Variants in MED14 observed in about 807,000 individuals in gnomAD.
MED14 encodes the protein mediator complex subunit 14.
In MED14, 8 loss-of-function variants were observed where a neutral mutation model predicts 109.0. The ratio of observed to expected loss-of-function variants is 0.07; its 90% CI spans 0.04 to 0.13. The LOEUF is 0.13. MED14 is among the 10% of genes least tolerant of loss of function. The pLI, the probability that MED14 is intolerant of heterozygous loss-of-function variation, is 1.00. For missense variants in MED14, 711 were observed against 1,142.4 expected, an observed-to-expected ratio of 0.62 and a Z score of 5.44; for synonymous variants, 399 against 408.7, an observed-to-expected ratio of 0.98 and a Z score of 0.29.
chrX:40,696,066 C>T lies in MED14; in HGVS notation c.1650+958G>A, dbSNP rs755417785. On this transcript the variant is annotated intron_variant, in intron 13 of 30. Coordinates refer to ENST00000324817, the MANE Select transcript of MED14 (RefSeq NM_004229.4). ...AGTTTTACAGGCATGAGCCATCACA[C>T]CTGGCCTGAATTAAAATTTGTAAAA... 2.5e-4 allele frequency among the ~76,000 whole-genome samples: 28 copies of T among 110,953 alleles called. No homozygotes were observed. In the South Asian group the frequency reaches 0.011, roughly 42 times the overall value.
At position 40,649,579 on chromosome X, in the gene MED14, T is replaced by C. The variant is rs1340057169; in HGVS notation, c.*2227A>G. Reference sequence around the variant, plus strand: ...TTTGTATAAATTTTATTTATTACTGTAAATACTAAAATCACATTGAAAACA... The same window carrying C: ...TTTGTATAAATTTTATTTATTACTGCAAATACTAAAATCACATTGAAAACA... On this transcript the variant is annotated 3_prime_UTR_variant, in exon 31 of 31. Coordinates refer to ENST00000324817, the MANE Select transcript of MED14 (RefSeq NM_004229.4). 59 of 915,206 alleles carry C rather than the reference T, an allele frequency of 6.4e-5. 1 individual carries two copies. The highest frequency in any genetic ancestry group is 6.9e-6 in the Non-Finnish European group (5 of 721,504). 75.4% of individuals were successfully genotyped at this position (915,206 alleles called of 1,213,427 possible).
intron 13 of MED14, among the ~76,000 whole-genome samples, chrX:40,695,578 A>G (rs1230545016): frequency 8.9e-6 from 1 of 112,190 alleles, no homozygotes; most frequent in Non-Finnish European, 1.9e-5. Flanking sequence ...ATAAATTATA[A>G]CCATTTTTGT....
At position 40,648,357 on chromosome X, in the gene MED14, T is replaced by C. The variant is rs1054938426; in HGVS notation, c.*3449A>G. 9.0e-6 allele frequency: 1 copy of C among 111,715 alleles called. No homozygotes were observed. The highest frequency in any genetic ancestry group is 1.9e-5 in the Non-Finnish European group (1 of 53,160). The allele number at this position is 111,715 out of a possible 1,213,427, so 9.2% of individuals were successfully genotyped here. On this transcript the variant is annotated 3_prime_UTR_variant, in exon 31 of 31. Transcript: ENST00000324817. ...TCTGAGCTTGGAAAACATGTCAAAATTGTGTGTAGTTAAAAGCCTCTGAGG... is the reference window on the plus strand; with the variant it reads ...TCTGAGCTTGGAAAACATGTCAAAACTGTGTGTAGTTAAAAGCCTCTGAGG...
In MED14 at chrX:40,675,321, C is replaced by T. The variant is rs373976346; in HGVS notation, c.2921G>A (p.Arg974Gln). ...ATCGTCCTCATTTACAGACCTTCTT[C>T]GAGCATCCTGATTGCTGTCAACAAA... ...NMFVDSNQDA[R>Q]RRSVNEDDNP... is the part of the protein sequence containing the mutation. The change falls in exon 22 of 31, where the codon CGA becomes CAA. Residue 974 changes from arginine to glutamine, a missense_variant. Arg to Gln is a conservative substitution (Grantham distance 43). Transcript: ENST00000324817. 1.3e-5 allele frequency: 16 copies of T among 1,193,514 alleles called. No homozygotes were observed. The highest frequency in any genetic ancestry group is 1.8e-5 in the Non-Finnish European group (16 of 887,849).
At chrX:40,701,608 C>T (rs1040001824) in intron 11 of MED14, among the ~76,000 whole-genome samples, 1 of 111,112 alleles carries the variant, frequency 9.0e-6, no homozygotes, top group African/African-American at 3.3e-5. Flanking sequence ...TATTATTAGA[C>T]TTAGAACCTT....
intron 13 of MED14, among the ~76,000 whole-genome samples, chrX:40,693,294 G>A (rs186560360): frequency 3.8e-3 from 429 of 111,850 alleles, no homozygotes; most frequent in Non-Finnish European, 6.7e-3. Context: ...TGTAGCTCCC[G>A]TAATTCCCAT....
chrX:40,687,366 C>A (rs1379975930), intron 16 of MED14, among the ~76,000 whole-genome samples: 1 of 111,952 alleles, frequency 8.9e-6, no homozygotes, highest in Admixed American at 9.5e-5. Context: ...TGAACCACTT[C>A]AACAAGTGGT....
rs6610448 is a variant in MED14 at position 40,651,363 on chromosome X, C to T, written c.*443G>A. 1.3e-6 allele frequency: 1 copy of T among 749,701 alleles called. No homozygotes were observed. The allele number at this position is 749,701 out of a possible 1,213,427, so 61.8% of individuals were successfully genotyped here. A position where few individuals can be genotyped will look rare whatever the true frequency, so the allele number is the denominator to read the frequency against. On this transcript the variant is annotated 3_prime_UTR_variant, in exon 31 of 31. Coordinates refer to ENST00000324817, the MANE Select transcript of MED14 (RefSeq NM_004229.4). Reference sequence around the variant, plus strand: ...GAACATTTCATGTAAGGATTCAAAGCGGTCATATTAAAATACAGCTTCAAT... The same window carrying T: ...GAACATTTCATGTAAGGATTCAAAGTGGTCATATTAAAATACAGCTTCAAT...
At chrX:40,663,235 T>A in intron 25 of MED14, 75 bp from the exon 26 acceptor site, 2 of 788,310 alleles carry the variant, frequency 2.5e-6, no homozygotes, top group Non-Finnish European at 3.7e-6. Context: ...GCTTTCATCA[T>A]AAATCTTTGA....
chrX:40,717,352 C>T (rs1021043957), intron 3 of MED14, among the ~76,000 whole-genome samples: 11 of 110,499 alleles, frequency 1.0e-4, no homozygotes, highest in Admixed American at 1.9e-4. Flanking sequence ...TCCAAAACAC[C>T]CATTATGAGA....
At chrX:40,655,131 T>G in intron 28 of MED14, 71 bp from the exon 29 acceptor site, 1 of 1,071,078 alleles carries the variant, frequency 9.3e-7, no homozygotes, top group Non-Finnish European at 1.3e-6. Context: ...TAGGAAAGTC[T>G]GAGAGGTTAG....
intron 10 of MED14, among the ~76,000 whole-genome samples, chrX:40,706,372 C>T (rs1439406865): frequency 9.0e-6 from 1 of 111,503 alleles, no homozygotes; most frequent in Non-Finnish European, 1.9e-5. Flanking sequence ...AGATCAACCC[C>T]GCATGCAAGC....
chrX:40,680,888 A>T lies in MED14; in HGVS notation c.2480T>A (p.Ile827Asn). ...CAAAGAAATGTGGAATTTTTGATGGATCGAATTCCATTGGATACTAATCTA... is the reference window on the plus strand; with the variant it reads ...CAAAGAAATGTGGAATTTTTGATGGTTCGAATTCCATTGGATACTAATCTA... Reference protein sequence around the residue: ...GSSISIQWNSIHQKFHISLGT... With the variant: ...GSSISIQWNSNHQKFHISLGT... Residue 827 changes from isoleucine to asparagine, a missense_variant, in exon 20 of 31, where the codon ATC becomes AAC. Physicochemically the swap from Ile to Asn is moderately radical, Grantham distance 149. Around this residue, in one of 8 missense-constraint regions of MED14, gnomAD observed 388 missense variants for 517.3 expected, o/e 0.75. Coordinates refer to ENST00000324817, the MANE Select transcript of MED14 (RefSeq NM_004229.4). 1 of 1,182,452 alleles carries T rather than the reference A, an allele frequency of 8.5e-7. No homozygotes were observed. The highest frequency in any genetic ancestry group is 1.1e-6 in the Non-Finnish European group (1 of 870,973).
chrX:40,699,549 C>T (rs1930845966), intron 12 of MED14, among the ~76,000 whole-genome samples: 1 of 111,935 alleles, frequency 8.9e-6, no homozygotes, highest in East Asian at 2.8e-4. Flanking sequence ...TGTAAGTTTA[C>T]ATACAGGCAC....
chrX:40,721,800 C>T (rs948799844), intron 3 of MED14, among the ~76,000 whole-genome samples: 2 of 112,499 alleles, frequency 1.8e-5, no homozygotes. Context: ...GGTGGCTCAG[C>T]ACAAAGAGCA....
Position 40,710,053 on chromosome X carries a change from A to G in MED14, c.1099T>C (p.Ser367Pro). 1 of 1,180,869 alleles carries G rather than the reference A, an allele frequency of 8.5e-7. No homozygotes were observed. The highest frequency in any genetic ancestry group is 3.0e-5 in the East Asian group (1 of 33,108). Residue 367 changes from serine to proline, a missense_variant, in exon 9 of 31, where the codon TCC becomes CCC. Around this residue, in one of 8 missense-constraint regions of MED14, gnomAD observed 388 missense variants for 517.3 expected, o/e 0.75. Coordinates refer to ENST00000324817, the MANE Select transcript of MED14 (RefSeq NM_004229.4). ...VTIKIDENDV[S>P]KPLQIFHDPP... is the part of the protein sequence containing the mutation. ...TCGTGAAAAATCTGTAAAGGCTTGGAGACATCATTCTCATCAATTTTAATT... is the reference window on the plus strand; with the variant it reads ...TCGTGAAAAATCTGTAAAGGCTTGGGGACATCATTCTCATCAATTTTAATT...
chrX:40,649,368 C>T lies in MED14; in HGVS notation c.*2438G>A. The T allele has an allele frequency of 6.5e-6, 1 of 154,363 alleles. No homozygotes were observed. The highest frequency in any genetic ancestry group is 1.2e-4 in the South Asian group (1 of 8,211). The allele number at this position is 154,363 out of a possible 1,213,427, so 12.7% of individuals were successfully genotyped here. On this transcript the variant is annotated 3_prime_UTR_variant, in exon 31 of 31. Transcript: ENST00000324817. Reference sequence around the variant, plus strand: ...AGCGACTTGACACGTTCTGCTGAAGCTCTCACTTTTCTTCTAATTCTGAAA... The same window carrying T: ...AGCGACTTGACACGTTCTGCTGAAGTTCTCACTTTTCTTCTAATTCTGAAA...
At position 40,659,247 on chromosome X, in the gene MED14, G is replaced by A. The variant is rs1181462019; in HGVS notation, c.3952C>T (p.His1318Tyr). Residue 1318 changes from histidine to tyrosine, a missense_variant, in exon 28 of 31, where the codon CAC becomes TAC. This residue lies in a region of MED14 where 54 missense variants were observed against 129.6 expected (regional missense o/e 0.42). Transcript: ENST00000324817. ...CTTACCAGCTCCAGCTTCATAATGT[G>A]CACACAATCCCTGAGGATGTGTGTA... Reference protein sequence around the residue: ...APTHILRDCVHIMKLELFPDQ... With the variant: ...APTHILRDCVYIMKLELFPDQ... 1 of 1,153,474 alleles carries A rather than the reference G, an allele frequency of 8.7e-7. No individual in the cohort carries two copies. Among genetic ancestry groups the A allele is most frequent in the Admixed American group, 2.6e-5 (1 of 37,843 alleles).
At position 40,651,613 on chromosome X, in the gene MED14, T is replaced by A; in HGVS notation, c.*193A>T. 9.7e-7 allele frequency: 1 copy of A among 1,028,969 alleles called. No homozygotes were observed. Among genetic ancestry groups the A allele is most frequent in the Non-Finnish European group, 1.2e-6 (1 of 806,129 alleles). The allele number at this position is 1,028,969 out of a possible 1,213,427, so 84.8% of individuals were successfully genotyped here. A position where few individuals can be genotyped will look rare whatever the true frequency, so the allele number is the denominator to read the frequency against. ...AAATGTGTCCCATTTAAACACACTA[T>A]ACAAGTTCATTATACAAAAGATGGA... On this transcript the variant is annotated 3_prime_UTR_variant, in exon 31 of 31. Transcript: ENST00000324817.
Sources: allele counts gnomAD v4.1 joint callset (sites outside exome capture counted in the v4.1 genomes callset), GRCh38; gene constraint gnomAD v4.1.1; regional missense constraint gnomAD v4.1.1; transcripts MANE v1.5; gene names NCBI Gene and HGNC (gene_info 2026-07-23, HGNC 2026-07-21).